LIAS: variants seen among roughly 807,000 people sequenced by gnomAD.
LIAS encodes the protein lipoic acid synthetase.
Under a neutral mutation model 49.4 loss-of-function variants are expected in LIAS, and 36 were observed. That is an observed-to-expected ratio of 0.73 (90% CI 0.56 to 0.96). The LOEUF (loss-of-function observed/expected upper bound fraction) is 0.96, where lower values mean the gene tolerates loss of function less well. LIAS is among the 40% of genes least tolerant of loss of function. The pLI, the probability that LIAS is intolerant of heterozygous loss-of-function variation, is 0.00. For missense variants in LIAS, 399 were observed against 456.3 expected (o/e 0.87, Z 1.14); for synonymous variants, 145 against 155.8 (o/e 0.93, Z 0.52).
chr4:39,474,395 A>G (rs1745110666), intron 10 of LIAS, among the ~76,000 whole-genome samples: 2 of 151,748 alleles, frequency 1.3e-5, no homozygotes, highest in African/African-American at 4.8e-5. Flanking sequence ...TCGTGTCACT[A>G]CAGCTCCAGC....
chr4:39,476,995 C>T (rs1366626982), intron 10 of LIAS, 68 bp from the exon 11 acceptor site: 3 of 1,047,208 alleles, frequency 2.9e-6, no homozygotes, highest in African/African-American at 3.3e-5. Flanking sequence ...AAATATAATT[C>T]TGAAATAGTT....
intron 7 of LIAS, 26 bp from the exon 8 acceptor site, chr4:39,469,993 C>T (rs749508035): frequency 6.3e-7 from 1 of 1,585,310 alleles, no homozygotes; most frequent in South Asian, 1.1e-5. Flanking sequence ...GTAATTCTTG[C>T]TGACAACAGT....
intron 9 of LIAS, 113 bp from the exon 10 acceptor site, chr4:39,472,987 T>TG: frequency 1.6e-6 from 1 of 619,404 alleles, no homozygotes; most frequent in Non-Finnish European, 2.8e-6. Context: ...AGCCTGGGGG[T>TG]GGGGGCAAGA....
chr4:39,471,874 G>A (rs1298601405), intron 9 of LIAS, among the ~76,000 whole-genome samples: 1 of 151,786 alleles, frequency 6.6e-6, no homozygotes, highest in Non-Finnish European at 1.5e-5. Context: ...ATTTTGGCCA[G>A]GCTAGTCTTG....
chr4:39,460,144 C>G (rs1360165341), intron 1 of LIAS, among the ~76,000 whole-genome samples: 1 of 152,210 alleles, frequency 6.6e-6, no homozygotes, highest in Admixed American at 6.5e-5. Flanking sequence ...TAAACTGTGG[C>G]ACCTTCTTCA....
intron 3 of LIAS, among the ~76,000 whole-genome samples, chr4:39,462,546 TATAAA>T (rs1387976868): frequency 1.3e-5 from 2 of 152,234 alleles, no homozygotes; most frequent in Non-Finnish European, 2.9e-5. Flanking sequence ...TTGGAAAGAA[TATAAA>T]ATTAAATATG....
Position 39,477,220 on chromosome 4 carries a change from T to A in LIAS, c.*105T>A. On this transcript the variant is annotated 3_prime_UTR_variant, in exon 11 of 11. Coordinates refer to ENST00000640888, the MANE Select transcript of LIAS (RefSeq NM_006859.4). The stretch of plus-strand genomic sequence containing the variant: ...TGGACTGCAGTGGATGTGCCCCACC[T>A]CTTTGCTTAAAAAAAAAAATGTCAA... 1.2e-6 allele frequency: 1 copy of A among 818,730 alleles called. No homozygotes were observed. Among genetic ancestry groups the A allele is most frequent in the Non-Finnish European group, 2.0e-6 (1 of 510,126 alleles). The allele number at this position is 818,730 out of a possible 1,614,324, so 50.7% of individuals were successfully genotyped here.
At chr4:39,470,190 C>T (rs1340104939) in intron 8 of LIAS, 26 bp downstream of exon 8, 1 of 1,598,634 alleles carries the variant, frequency 6.3e-7, no homozygotes, top group Non-Finnish European at 8.5e-7. Context: ...AATGAAAAAT[C>T]TTTCCCATGT....
rs752937058 is a variant in LIAS at position 39,477,022 on chromosome 4, C to CTAATT, written c.1067-40_1067-39insAATTT. On this transcript the variant is annotated intron_variant, in intron 10 of 10. Transcript: ENST00000640888. The stretch of plus-strand genomic sequence containing the variant: ...GAAATAGTTGTCTCACTGTTATTTA[C>CTAATT]TTTAAATTGATATTAATGTGTTTTC... 3.4e-5 allele frequency: 44 copies of CTAATT among 1,301,902 alleles called. 1 individual carries two copies. Among genetic ancestry groups the CTAATT allele is most frequent in the Non-Finnish European group, 3.7e-5 (34 of 927,436 alleles). 80.6% of individuals were successfully genotyped at this position (1,301,902 alleles called of 1,614,324 possible).
chr4:39,468,289 G>C (rs2109879990), intron 7 of LIAS: 1 of 151,738 alleles, frequency 6.6e-6, no homozygotes, highest in South Asian at 2.1e-4. Context: ...AGACCAGCCT[G>C]ACCAACATGG....
Position 39,462,256 on chromosome 4 carries a change from G to GA in LIAS, c.284dup (p.Asn95LysfsTer13). The GA allele has an allele frequency of 6.4e-7, 1 of 1,566,402 alleles. No individual in the cohort carries two copies. Among genetic ancestry groups the GA allele is most frequent in the Non-Finnish European group, 8.6e-7 (1 of 1,158,692 alleles). On this transcript the variant is annotated frameshift_variant, in exon 3 of 11. Transcript: ENST00000640888. LOFTEE classifies it high-confidence loss of function. ...CCATGGGGAAAAATTACAATAAACTGAAAAATACTTTGCGGAATTTAAATC... is the reference window on the plus strand; with the variant it reads ...CCATGGGGAAAAATTACAATAAACTGAAAAAATACTTTGCGGAATTTAAATC...
At chr4:39,465,389 T>C in intron 6 of LIAS, 47 bp downstream of exon 6, 4 of 1,529,740 alleles carry the variant, frequency 2.6e-6, no homozygotes, top group South Asian at 1.2e-5. Context: ...TTTGGACCCA[T>C]ATGAGTTAAG....
chr4:39,471,983 C>G (rs1745006943), intron 9 of LIAS, among the ~76,000 whole-genome samples: 1 of 151,756 alleles, frequency 6.6e-6, no homozygotes, highest in South Asian at 2.1e-4. Context: ...CTTTTGACTC[C>G]CAAAAAAACA....
chr4:39,466,938 T>G (rs907984902), intron 6 of LIAS: 2 of 152,298 alleles, frequency 1.3e-5, no homozygotes, highest in South Asian at 4.1e-4. Context: ...TGAATAGATA[T>G]AGCCACAATA....
At position 39,459,143 on chromosome 4, in the gene LIAS, C is replaced by T. The variant is rs1744295609; in HGVS notation, c.26C>T (p.Ala9Val). The change falls in exon 1 of 11, where the codon GCC (alanine) becomes GTC (valine). Residue 9 changes from alanine to valine, a missense_variant. Coordinates refer to ENST00000640888, the MANE Select transcript of LIAS (RefSeq NM_006859.4). The part of the protein sequence containing the change: MSLRCGDA[A>V]RTLGPRVFGR... ...ATGTCTCTACGCTGCGGGGATGCAG[C>T]CCGCACCCTGGGGCCCCGGGTGAGC... 2.5e-6 allele frequency: 4 copies of T among 1,613,650 alleles called. No homozygotes were observed. The highest frequency in any genetic ancestry group is 4.5e-5 in the East Asian group (2 of 44,890).
At chr4:39,466,484 CA>C (rs1333872401) in intron 6 of LIAS, 6 of 151,694 alleles carry the variant, frequency 4.0e-5, no homozygotes, top group Non-Finnish European at 5.9e-5. Flanking sequence ...TTTGGGAGGC[CA>C]AAGCAGGAAG....
At chr4:39,462,969 A>G (rs1744594769) in intron 3 of LIAS, among the ~76,000 whole-genome samples, 1 of 152,264 alleles carries the variant, frequency 6.6e-6, no homozygotes. Flanking sequence ...CCTGGACGAC[A>G]GTGAGACTCC....
In LIAS at chr4:39,459,090, C is replaced by CCTGCA; in HGVS notation, c.-23_-19dup. 1 of 1,613,978 alleles carries CCTGCA rather than the reference C, an allele frequency of 6.2e-7. No homozygotes were observed. Among genetic ancestry groups the CCTGCA allele is most frequent in the Non-Finnish European group, 8.5e-7 (1 of 1,179,858 alleles). On this transcript the variant is annotated 5_prime_UTR_variant, in exon 1 of 11. Coordinates refer to ENST00000640888, the MANE Select transcript of LIAS (RefSeq NM_006859.4). ...CCCGGGAGTTAGCGATCCCTCAACCCCTGCACTGCGCTAGTCCTAAAGAGG... is the reference window on the plus strand; with the variant it reads ...CCCGGGAGTTAGCGATCCCTCAACCCCTGCACTGCACTGCGCTAGTCCTAAAGAGG...
At position 39,473,101 on chromosome 4, in the gene LIAS, T is replaced by G; in HGVS notation, c.956T>G (p.Val319Gly). ...YMQPTRRHLK[V>G]EEYITPEKFK... Reference sequence around the variant, plus strand: ...TCAGAAGTAATTATTTAAATCTAGGTTGAAGAATATATTACTCCTGAAAAA... The same window carrying G: ...TCAGAAGTAATTATTTAAATCTAGGGTGAAGAATATATTACTCCTGAAAAA... Residue 319 changes from valine (V) to glycine (G), a missense_variant and splice_region_variant, in exon 10 of 11, where the codon GTT (valine) becomes GGT (glycine). By Grantham distance (109) the Val-to-Gly change is moderately radical (BLOSUM62 -3). Coordinates refer to ENST00000640888, the MANE Select transcript of LIAS (RefSeq NM_006859.4). 6.6e-7 allele frequency: 1 copy of G among 1,510,274 alleles called. No homozygotes were observed. Among genetic ancestry groups the G allele is most frequent in the Non-Finnish European group, 9.2e-7 (1 of 1,085,612 alleles). 93.6% of individuals were successfully genotyped at this position (1,510,274 alleles called of 1,614,324 possible).
Sources: gnomAD v4.1 joint callset for allele counts (sites outside exome capture counted in the v4.1 genomes callset) on GRCh38, gnomAD v4.1.1 for gene constraint, MANE v1.5 for transcripts, NCBI Gene and HGNC (gene_info 2026-07-23, HGNC 2026-07-21) for gene names.